SRPK2: variants seen among roughly 807,000 people sequenced by gnomAD.
SRPK2 encodes SRSF protein kinase 2.
In SRPK2, 21 loss-of-function variants were observed where a neutral mutation model predicts 90.8. The ratio of observed to expected loss-of-function variants is 0.23; its 90% CI spans 0.16 to 0.33. The LOEUF is 0.33. Among genes scored for constraint, SRPK2 ranks in the 10% least tolerant of loss-of-function variants. The pLI is 1.00. For missense variants in SRPK2, 620 were observed against 869.0 expected (o/e 0.71, Z 3.60); for synonymous variants, 288 against 311.1 (o/e 0.93, Z 0.78).
chr7:105,146,719 T>C, intron 7 of SRPK2, 61 bp from the exon 8 acceptor site: 1 of 1,525,378 alleles, frequency 6.6e-7, no homozygotes, highest in Middle Eastern at 1.7e-4. Context: ...ATAACTTTTA[T>C]TTATTTGAAA....
At chr7:105,159,448 CAA>C (rs765544583) in intron 7 of SRPK2, among the ~76,000 whole-genome samples, 1,368 of 33,056 alleles carry the variant, frequency 0.041, 18 homozygotes, top group African/African-American at 0.11. Flanking sequence ...ACTCCGTCTC[CAA>C]AAAAAAAAAA....
At chr7:105,313,361 C>T (rs918459756) in intron 2 of SRPK2, among the ~76,000 whole-genome samples, 14 of 150,616 alleles carry the variant, frequency 9.3e-5, no homozygotes, top group African/African-American at 3.4e-4. Flanking sequence ...GCAGGAGAAT[C>T]GCTTGAACCC....
At chr7:105,361,898 T>C (rs555109740) in intron 2 of SRPK2, among the ~76,000 whole-genome samples, 3 of 152,114 alleles carry the variant, frequency 2.0e-5, no homozygotes, top group Non-Finnish European at 4.4e-5. Context: ...GGCAATACCA[T>C]TCAGGACATA....
chr7:105,198,651 C>T (rs1795199516), intron 3 of SRPK2, among the ~76,000 whole-genome samples: 1 of 152,080 alleles, frequency 6.6e-6, no homozygotes, highest in South Asian at 2.1e-4. Flanking sequence ...CAGATGAGAA[C>T]ACAATGAAAG....
chr7:105,234,128 G>A (rs1329709035), intron 2 of SRPK2, among the ~76,000 whole-genome samples: 1 of 151,956 alleles, frequency 6.6e-6, no homozygotes, highest in African/African-American at 2.4e-5. Context: ...GAACACCTTT[G>A]CTGCACCAGT....
At chr7:105,165,581 T>C (rs1789941027) in intron 6 of SRPK2, among the ~76,000 whole-genome samples, 1 of 152,170 alleles carries the variant, frequency 6.6e-6, no homozygotes, top group Admixed American at 6.5e-5. Context: ...CAGTGGTCTG[T>C]GTCTAAAGGA....
At chr7:105,362,887 T>C (rs887412500) in intron 2 of SRPK2, among the ~76,000 whole-genome samples, 2 of 152,194 alleles carry the variant, frequency 1.3e-5, no homozygotes, top group African/African-American at 2.4e-5. Flanking sequence ...TGAGTTCCTT[T>C]GTAGGGACAT....
At chr7:105,140,035 G>A (rs1194672069) in intron 11 of SRPK2, among the ~76,000 whole-genome samples, 2 of 151,994 alleles carry the variant, frequency 1.3e-5, no homozygotes, top group African/African-American at 4.8e-5. Flanking sequence ...CACTTTAGTT[G>A]ATCTCTAGTT....
chr7:105,332,482 G>A (rs550813315), intron 2 of SRPK2, among the ~76,000 whole-genome samples: 1 of 152,296 alleles, frequency 6.6e-6, no homozygotes, highest in South Asian at 2.1e-4. Context: ...TCACTTTGTA[G>A]GCCAGGCGCA....
At chr7:105,134,625 A>G in intron 11 of SRPK2, among the ~76,000 whole-genome samples, 2 of 152,344 alleles carry the variant, frequency 1.3e-5, no homozygotes, top group Middle Eastern at 6.8e-3. Flanking sequence ...GAGCTGTGAA[A>G]CCAGGGTGCT....
At chr7:105,370,620 T>C (rs1331789686) in intron 2 of SRPK2, among the ~76,000 whole-genome samples, 2 of 148,264 alleles carry the variant, frequency 1.3e-5, no homozygotes, top group African/African-American at 4.9e-5. Context: ...TTCTTTCTTT[T>C]TTTTTTTTTT....
rs562580397 is a variant in SRPK2 at position 105,309,400 on chromosome 7, T to C, written c.71+79248A>G. Among the ~76,000 whole-genome samples, 3 of 152,336 alleles carry C rather than the reference T, an allele frequency of 2.0e-5. No individual in the cohort carries two copies. In the East Asian group the frequency reaches 5.8e-4, roughly 29 times the overall value. ...CCTTCATCATTAAAGTATCCTAGGA[T>C]AGTTATTCAGCTAAAGGCCTTGAAA... On this transcript the variant is annotated intron_variant, in intron 2 of 15. Transcript: ENST00000393651.
At chr7:105,359,220 G>A (rs1818154500) in intron 2 of SRPK2, among the ~76,000 whole-genome samples, 1 of 142,302 alleles carries the variant, frequency 7.0e-6, no homozygotes, top group African/African-American at 2.6e-5. Context: ...GTGCAATGGC[G>A]CGATCTTGGC....
chr7:105,204,886 G>T, intron 2 of SRPK2: 1 of 405,584 alleles, frequency 2.5e-6, no homozygotes, highest in Non-Finnish European at 4.7e-6. Context: ...GTGGAATCTT[G>T]GTGTTATTGC....
intron 2 of SRPK2, among the ~76,000 whole-genome samples, chr7:105,344,874 C>T (rs1482316227): frequency 1.3e-5 from 2 of 150,060 alleles, no homozygotes; most frequent in Non-Finnish European, 3.0e-5. Flanking sequence ...TAGTCACTAA[C>T]ACCTGTAATC....
At chr7:105,195,097 T>C (rs749465047) in intron 3 of SRPK2, among the ~76,000 whole-genome samples, 2 of 152,272 alleles carry the variant, frequency 1.3e-5, no homozygotes, top group African/African-American at 4.8e-5. Flanking sequence ...TCGCCCAGGC[T>C]GGAGTGCAGT....
chr7:105,295,250 T>G (rs1367198124), intron 2 of SRPK2, among the ~76,000 whole-genome samples: 1 of 151,668 alleles, frequency 6.6e-6, no homozygotes, highest in African/African-American at 2.4e-5. Flanking sequence ...TTATTAATAT[T>G]TAATATTTAA....
At chr7:105,391,072 G>A (rs79081586), upstream of SRPK2, among the ~76,000 whole-genome samples, 736 of 152,190 alleles carry the variant, frequency 4.8e-3, 11 homozygotes, top group East Asian at 0.055. Context: ...CCAAAGACAT[G>A]CAAATGACCA....
At chr7:105,359,633 G>A (rs918462845) in intron 2 of SRPK2, among the ~76,000 whole-genome samples, 1 of 152,102 alleles carries the variant, frequency 6.6e-6, no homozygotes, top group Admixed American at 6.6e-5. Flanking sequence ...GTCTGGCAGT[G>A]GTATGGAAGC....
Sources: gnomAD v4.1 joint callset for allele counts (sites outside exome capture counted in the v4.1 genomes callset) on GRCh38, gnomAD v4.1.1 for gene constraint, MANE v1.5 for transcripts, NCBI Gene and HGNC (gene_info 2026-07-23, HGNC 2026-07-21) for gene names.